Variants in MAP3K15 observed in about 807,000 individuals in gnomAD.
MAP3K15 encodes MAPK/ERK kinase kinase 15.
MAP3K15 carries 124 observed loss-of-function variants against 99.5 expected under a neutral mutation model. The ratio of observed to expected loss-of-function variants is 1.25; its 90% CI spans 1.08 to 1.45. The LOEUF (loss-of-function observed/expected upper bound fraction) is 1.45, where lower values mean the gene tolerates loss of function less well. Ranked by LOEUF, MAP3K15 falls within the 40% of genes most tolerant of loss-of-function variation. MAP3K15 has a pLI of 0.00. For synonymous variants in MAP3K15, 494 were observed against 439.6 expected, an observed-to-expected ratio of 1.12 and a Z score of -1.55; for missense variants, 1,242 against 1,079.7, an observed-to-expected ratio of 1.15 and a Z score of -2.11.
intron 21 of MAP3K15, chrX:19,373,296 A>C: frequency 3.2e-6 from 1 of 309,433 alleles, no homozygotes; most frequent in Non-Finnish European, 5.4e-6. Flanking sequence ...AGAGAAGGGA[A>C]GAGGAGAGGT....
chrX:19,478,447 G>T (rs1056977891), intron 3 of MAP3K15, among the ~76,000 whole-genome samples: 12 of 107,227 alleles, frequency 1.1e-4, no homozygotes, highest in Non-Finnish European at 1.9e-4. Context: ...TGATCATTTT[G>T]AGTCCTAAGC....
In MAP3K15 at chrX:19,480,750, C is replaced by T. The variant is rs1406565195; in HGVS notation, c.525+5732G>A. On this transcript the variant is annotated intron_variant, in intron 3 of 28. Coordinates refer to ENST00000338883, the MANE Select transcript of MAP3K15 (RefSeq NM_001001671.4). ...CTGAGGCAGGAGAATTGCTTGAACC[C>T]GGGAGGCAGAGGTTGCAGTGAGCGG... Among the ~76,000 whole-genome samples, 3 of 104,759 alleles carry T rather than the reference C, an allele frequency of 2.9e-5. No individual in the cohort carries two copies. In the South Asian group the frequency reaches 1.4e-3, roughly 48 times the overall value. The allele number at this position is 104,759 out of a possible 115,157, so 91.0% of individuals were successfully genotyped here.
Position 19,486,514 on chromosome X carries a change from A to T in MAP3K15, c.502-9T>A. On this transcript the variant is annotated splice_polypyrimidine_tract_variant and intron_variant, in intron 2 of 28. Transcript: ENST00000338883. ...TTTTGAGTTACCATGTCCTGAAAAG[A>T]AAAAGAAAAGATGAATATAGCTTTT... 1 of 880,008 alleles carries T rather than the reference A, an allele frequency of 1.1e-6. No homozygotes were observed. The highest frequency in any genetic ancestry group is 2.0e-5 in the African/African-American group (1 of 49,411). The allele number at this position is 880,008 out of a possible 1,213,427, so 72.5% of individuals were successfully genotyped here. A position where few individuals can be genotyped will look rare whatever the true frequency, so the allele number is the denominator to read the frequency against.
At chrX:19,397,708 A>G (rs2063576408) in intron 15 of MAP3K15, among the ~76,000 whole-genome samples, 1 of 112,325 alleles carries the variant, frequency 8.9e-6, no homozygotes, top group South Asian at 3.6e-4. Flanking sequence ...TTCTTTTAAA[A>G]TATGATCCTC....
intron 18 of MAP3K15, among the ~76,000 whole-genome samples, chrX:19,386,755 C>T (rs954521968): frequency 1.8e-5 from 2 of 111,380 alleles, no homozygotes; most frequent in South Asian, 3.8e-4. Context: ...AGTTTATAAC[C>T]GAGGCCCAGG....
At chrX:19,384,755 A>AG (rs2063483318) in intron 18 of MAP3K15, among the ~76,000 whole-genome samples, 1 of 80,725 alleles carries the variant, frequency 1.2e-5, no homozygotes, top group African/African-American at 7.9e-5. Context: ...AGGGGAAAAA[A>AG]AAAAAAAAAA....
At chrX:19,420,251 G>T (rs770251081) in intron 9 of MAP3K15, among the ~76,000 whole-genome samples, 5 of 111,591 alleles carry the variant, frequency 4.5e-5, no homozygotes, top group African/African-American at 1.3e-4. Context: ...GAATCCAGGA[G>T]CTGGTTTTTT....
At chrX:19,386,722 G>A (rs1452495242) in intron 18 of MAP3K15, among the ~76,000 whole-genome samples, 1 of 111,578 alleles carries the variant, frequency 9.0e-6, no homozygotes, top group African/African-American at 3.3e-5. Context: ...TACCAGCAAA[G>A]AAGACACACA....
At chrX:19,468,880 T>C (rs1170362640) in intron 3 of MAP3K15, among the ~76,000 whole-genome samples, 2 of 111,547 alleles carry the variant, frequency 1.8e-5, no homozygotes, top group Middle Eastern at 4.6e-3. Flanking sequence ...TTTGAAGCAA[T>C]TGTGAATGGG....
chrX:19,434,224 G>T (rs945060044), intron 6 of MAP3K15, among the ~76,000 whole-genome samples: 29 of 103,919 alleles, frequency 2.8e-4, no homozygotes, highest in Non-Finnish European at 4.2e-4. Context: ...TTGGTAATAG[G>T]TTTTTTTTGT....
At chrX:19,424,727 C>T (rs529487439) in intron 9 of MAP3K15, among the ~76,000 whole-genome samples, 2 of 110,831 alleles carry the variant, frequency 1.8e-5, no homozygotes, top group East Asian at 5.6e-4. Context: ...CTCGCTGCAG[C>T]CTTGACCTCC....
At chrX:19,486,282 C>T (rs2064325025) in intron 3 of MAP3K15, among the ~76,000 whole-genome samples, 200 bp downstream of exon 3, 1 of 111,703 alleles carries the variant, frequency 9.0e-6, no homozygotes, top group Non-Finnish European at 1.9e-5. Context: ...GCCTTCTGGC[C>T]CACTGCCTCA....
intron 1 of MAP3K15, among the ~76,000 whole-genome samples, chrX:19,491,987 C>CTT (rs534024822): frequency 2.1e-5 from 2 of 97,415 alleles, no homozygotes. Context: ...CACCTGGCTA[C>CTT]TTTTTTTTTT....
At chrX:19,374,830 C>G (rs1457517612) in intron 19 of MAP3K15, among the ~76,000 whole-genome samples, 170 bp from the exon 20 acceptor site, 1 of 111,825 alleles carries the variant, frequency 8.9e-6, no homozygotes, top group East Asian at 2.8e-4. Context: ...GAGTCCATTT[C>G]CCCCTCACTG....
chrX:19,436,426 C>T (rs768909903), intron 6 of MAP3K15, among the ~76,000 whole-genome samples: 76 of 111,178 alleles, frequency 6.8e-4, no homozygotes, highest in African/African-American at 2.5e-3. Flanking sequence ...TACTTTAGTC[C>T]ATCTCTCTGA....
chrX:19,400,804 G>A, intron 13 of MAP3K15, 141 bp from the exon 14 acceptor site: 1 of 427,308 alleles, frequency 2.3e-6, no homozygotes, highest in Non-Finnish European at 4.1e-6. Flanking sequence ...TCCTTGATTT[G>A]ACGTGGTACT....
In MAP3K15 at chrX:19,361,572, C is replaced by T; in HGVS notation, c.3701G>A (p.Gly1234Asp). 1 of 1,208,243 alleles carries T rather than the reference C, an allele frequency of 8.3e-7. No homozygotes were observed. Among genetic ancestry groups the T allele is most frequent in the Non-Finnish European group, 1.1e-6 (1 of 892,511 alleles). Residue 1234 changes from glycine (G) to aspartate (D), a missense_variant, in exon 27 of 29, where the codon GGC becomes GAC. Physicochemically the swap from Gly to Asp is moderately conservative, Grantham distance 94. Coordinates refer to ENST00000338883, the MANE Select transcript of MAP3K15 (RefSeq NM_001001671.4). ...TTTATCTGTTCTCTGCCCGTAGGGGCCTGCTGGGTTCTCTGTAATACCTGT... is the reference window on the plus strand; with the variant it reads ...TTTATCTGTTCTCTGCCCGTAGGGGTCTGCTGGGTTCTCTGTAATACCTGT... Reference protein sequence around the residue: ...KSNCITENPAGPYGQRTDKEL... With the variant: ...KSNCITENPADPYGQRTDKEL...
chrX:19,429,097 C>T (rs1221297928), intron 7 of MAP3K15, among the ~76,000 whole-genome samples: 3 of 111,561 alleles, frequency 2.7e-5, no homozygotes, highest in Non-Finnish European at 5.6e-5. Flanking sequence ...TAGTTGGACA[C>T]ACACCAGGTA....
chrX:19,403,551 C>G (rs1169377176), intron 13 of MAP3K15, among the ~76,000 whole-genome samples: 1 of 107,073 alleles, frequency 9.3e-6, no homozygotes, highest in Non-Finnish European at 1.9e-5. Context: ...CTCAACCTCC[C>G]AGGCTCAGGT....
Sources: allele counts gnomAD v4.1 joint callset (sites outside exome capture counted in the v4.1 genomes callset), GRCh38; gene constraint gnomAD v4.1.1; transcripts MANE v1.5; gene names NCBI Gene and HGNC (gene_info 2026-07-23, HGNC 2026-07-21).